The following FCRL6 variants were observed in gnomAD, a reference collection of about 807,000 sequenced individuals.
The protein encoded by FCRL6 is Fc receptor like 6.
Under a neutral mutation model 49.1 loss-of-function variants are expected in FCRL6, and 50 were observed. The observed-to-expected ratio is 1.02, with a 90% CI of 0.81 to 1.29. The LOEUF is 1.29. Ranked by LOEUF, FCRL6 falls within the 50% of genes most tolerant of loss-of-function variation. The pLI is 0.00. For synonymous variants in FCRL6, 213 were observed against 199.6 expected (o/e 1.07, Z -0.57); for missense variants, 571 against 518.5 (o/e 1.10, Z -0.98).
upstream of FCRL6, among the ~76,000 whole-genome samples, chr1:159,802,035 C>T (rs1662365733): frequency 6.6e-6 from 1 of 152,100 alleles, no homozygotes; most frequent in South Asian, 2.1e-4. Flanking sequence ...TGCGCTGTCT[C>T]CCAGGCTGAA....
Position 159,815,539 on chromosome 1 carries a change from A to G in FCRL6, c.1183A>G (p.Ser395Gly). Residue 395 changes from serine to glycine, a missense_variant, in exon 10 of 10, where the codon AGT (serine) becomes GGT (glycine). Transcript: ENST00000368106. Reference protein sequence around the residue: ...SAEFTVGRKDSSIICAEVRCL... With the variant: ...SAEFTVGRKDGSIICAEVRCL... Reference sequence around the variant, plus strand: ...TCCTGAGCCAACTCTTCCACAGGACAGTTCTATCATCTGTGCGGAGGTGAG... The same window carrying G: ...TCCTGAGCCAACTCTTCCACAGGACGGTTCTATCATCTGTGCGGAGGTGAG... 6.2e-7 allele frequency: 1 copy of G among 1,614,202 alleles called. No individual in the cohort carries two copies. The highest frequency in any genetic ancestry group is 8.5e-7 in the Non-Finnish European group (1 of 1,180,028).
At chr1:159,810,918 A>G (rs1227565298) in intron 6 of FCRL6, among the ~76,000 whole-genome samples, 2 of 152,158 alleles carry the variant, frequency 1.3e-5, no homozygotes, top group Non-Finnish European at 2.9e-5. Flanking sequence ...CATGTATTAG[A>G]CTGGCACATA....
chr1:159,809,105 C>T lies in FCRL6; in HGVS notation c.464C>T (p.Thr155Ile), dbSNP rs1397676337. 1.2e-6 allele frequency: 2 copies of T among 1,614,144 alleles called. No homozygotes were observed. The highest frequency in any genetic ancestry group is 1.7e-6 in the Non-Finnish European group (2 of 1,179,988). ...TTCTCCTTCCACAAGGACGGCCACA[C>T]CTTGCAGGACAGGGGCCCTCACCCA... is the stretch of plus-strand genomic sequence containing the variant. ...LLFSFHKDGH[T>I]LQDRGPHPEL... Residue 155 changes from threonine to isoleucine, a missense_variant, in exon 4 of 10, where the codon ACC (threonine) becomes ATC (isoleucine). Transcript: ENST00000368106.
rs138762761 is a variant in FCRL6, at chr1:159,802,439, G to A, written c.15G>A (p.Thr5=). 7.3e-4 allele frequency: 1,184 copies of A among 1,613,686 alleles called. 1 individual carries two copies. The highest frequency in any genetic ancestry group is 9.5e-4 in the Non-Finnish European group (1,124 of 1,179,858). MLLW[T]AVLLFVPCVG... is the part of the protein sequence containing the mutation. ...GAACAGGCCCCATGCTGCTCTGGAC[G>A]GCTGTGCTGCTCTTTGGTAAGTCAA... Residue 5 remains threonine, a synonymous_variant, in exon 1 of 10, where the codon ACG becomes ACA. Coordinates refer to ENST00000368106, the MANE Select transcript of FCRL6 (RefSeq NM_001004310.3).
chr1:159,809,104 A>G lies in FCRL6; in HGVS notation c.463A>G (p.Thr155Ala). 6.2e-7 allele frequency: 1 copy of G among 1,614,028 alleles called. No individual in the cohort carries two copies. Among genetic ancestry groups the G allele is most frequent in the Non-Finnish European group, 8.5e-7 (1 of 1,179,948 alleles). ...TTTCTCCTTCCACAAGGACGGCCAC[A>G]CCTTGCAGGACAGGGGCCCTCACCC... ...LLFSFHKDGHTLQDRGPHPEL... is the reference protein window; with the variant it reads ...LLFSFHKDGHALQDRGPHPEL... The change falls in exon 4 of 10, where the codon ACC becomes GCC. Residue 155 changes from threonine (T) to alanine (A), a missense_variant. Thr to Ala is a moderately conservative substitution (Grantham distance 58). Transcript: ENST00000368106.
intron 1 of FCRL6, among the ~76,000 whole-genome samples, chr1:159,803,972 C>G (rs1662506704): frequency 1.3e-5 from 2 of 152,090 alleles, no homozygotes; most frequent in Non-Finnish European, 2.9e-5. Context: ...TGTCAGGGCT[C>G]CGGGAGGAAA....
In FCRL6 at chr1:159,808,339, G is replaced by A. The variant is rs140964607; in HGVS notation, c.214G>A (p.Ala72Thr). ...SKENQTLSMG[A>T]ATVQSRGQYS... ...GGAAAACCAGACTCTGTCCATGGGA[G>A]CAGCAACAGTGCAGAGCCGTGGCCA... is the stretch of plus-strand genomic sequence containing the variant. The change falls in exon 3 of 10, where the codon GCA becomes ACA. Residue 72 changes from alanine to threonine, a missense_variant. Physicochemically the swap from Ala to Thr is moderately conservative, Grantham distance 58. Coordinates refer to ENST00000368106, the MANE Select transcript of FCRL6 (RefSeq NM_001004310.3). The A allele has an allele frequency of 2.0e-5, 32 of 1,614,230 alleles. No homozygotes were observed. The highest frequency in any genetic ancestry group is 1.6e-4 in the Middle Eastern group (1 of 6,062).
At chr1:159,804,597 C>T (rs373930448) in intron 1 of FCRL6, among the ~76,000 whole-genome samples, 44 of 152,360 alleles carry the variant, frequency 2.9e-4, no homozygotes, top group African/African-American at 1.0e-3. Flanking sequence ...GCAGGTGTCA[C>T]CCCCTGTGTA....
At chr1:159,801,878 A>T (rs745744837), upstream of FCRL6, among the ~76,000 whole-genome samples, 3 of 151,912 alleles carry the variant, frequency 2.0e-5, no homozygotes, top group Non-Finnish European at 2.9e-5. Context: ...TCCCTCCTGA[A>T]CTGAGGATCC....
At position 159,809,571 on chromosome 1, in the gene FCRL6, C is replaced by T. The variant is rs1158079782; in HGVS notation, c.774C>T (p.Thr258=). 1.2e-6 allele frequency: 2 copies of T among 1,614,180 alleles called. No individual in the cohort carries two copies. Among genetic ancestry groups the T allele is most frequent in the East Asian group, 2.2e-5 (1 of 44,872 alleles). The change falls in exon 5 of 10, where the codon ACC becomes ACT. Residue 258 remains threonine, a synonymous_variant. Coordinates refer to ENST00000368106, the MANE Select transcript of FCRL6 (RefSeq NM_001004310.3). ...ACCACTCAGCTCCCTGTGGTGGAAC[C>T]ACCTCCCTCCTCTTCCCAGTGAAGT... is the stretch of plus-strand genomic sequence containing the variant. ...VGNHSAPCGG[T]TSLLFPVKSE... is the part of the protein sequence containing the mutation.
intron 6 of FCRL6, among the ~76,000 whole-genome samples, chr1:159,810,861 G>C (rs1663050814): frequency 6.6e-6 from 1 of 152,150 alleles, no homozygotes; most frequent in Admixed American, 6.5e-5. Flanking sequence ...CCTTTCCAGG[G>C]ATGCTGTAAG....
intron 7 of FCRL6, 75 bp from the exon 8 acceptor site, chr1:159,814,146 C>A: frequency 7.2e-7 from 1 of 1,387,610 alleles, no homozygotes; most frequent in Non-Finnish European, 1.0e-6. Context: ...GGCTTCTCTC[C>A]ATGTCTTCAG....
In FCRL6 at chr1:159,809,392, T is replaced by C; in HGVS notation, c.605-10T>C. ...GTCAGGCTGAGCCTCCCACCCCATG[T>C]GTGTCCCAGCTCCTGTATCCCGTCC... On this transcript the variant is annotated splice_polypyrimidine_tract_variant and intron_variant, in intron 4 of 9. Transcript: ENST00000368106. 1 of 1,580,798 alleles carries C rather than the reference T, an allele frequency of 6.3e-7. No individual in the cohort carries two copies. Among genetic ancestry groups the C allele is most frequent in the Non-Finnish European group, 8.6e-7 (1 of 1,161,204 alleles).
chr1:159,810,194 T>G lies in FCRL6; in HGVS notation c.987T>G (p.Tyr329Ter), dbSNP rs148078638. 1.8e-5 allele frequency: 29 copies of G among 1,613,154 alleles called. No individual in the cohort carries two copies. The highest frequency in any genetic ancestry group is 1.7e-6 in the Non-Finnish European group (2 of 1,179,632). Reference sequence around the variant, plus strand: ...TTATTGCTGCTGCACTTCTGGTTTATGTGAGATCCTGGAGAAAAGCTGGTC... The same window carrying G: ...TTATTGCTGCTGCACTTCTGGTTTAGGTGAGATCCTGGAGAAAAGCTGGTC... Reference protein sequence around the residue: ...LMVIAAALLVYVRSWRKAGPL... With the variant: ...LMVIAAALLV The change falls in exon 6 of 10, where the codon TAT (tyrosine) becomes TAG (stop). Residue 329 changes from tyrosine (Y) to a stop codon, truncating the protein, a stop_gained. Transcript: ENST00000368106. LOFTEE classifies it high-confidence loss of function.
At chr1:159,806,488 G>C (rs1361590349) in intron 1 of FCRL6, 108 bp from the exon 2 acceptor site, 1 of 949,150 alleles carries the variant, frequency 1.1e-6, no homozygotes, top group East Asian at 2.4e-5. Context: ...TTGGTGGCCG[G>C]GTGGTTGGTT....
rs1293779586 is a variant in FCRL6, at chr1:159,806,605, T to C, written c.41T>C (p.Val14Ala). The C allele has an allele frequency of 6.2e-7, 1 of 1,613,886 alleles. No homozygotes were observed. Among genetic ancestry groups the C allele is most frequent in the African/African-American group, 1.3e-5 (1 of 75,062 alleles). ...WTAVLLFVPC[V>A]GKTVWLYLQA... ...CTTTGTTCTCTTGCAGTTCCCTGTG[T>C]TGGGAAAACTGGTAAGTTGTGTCCA... Residue 14 changes from valine (V) to alanine (A), a missense_variant, in exon 2 of 10, where the codon GTT (valine) becomes GCT (alanine). Physicochemically the swap from Val to Ala is moderately conservative, Grantham distance 64. Coordinates refer to ENST00000368106, the MANE Select transcript of FCRL6 (RefSeq NM_001004310.3).
chr1:159,810,435 T>C (rs1315126921), intron 6 of FCRL6, among the ~76,000 whole-genome samples: 1 of 152,186 alleles, frequency 6.6e-6, no homozygotes, highest in Non-Finnish European at 1.5e-5. Context: ...ATGCTCACAG[T>C]CATCCAGAGA....
intron 1 of FCRL6, 81 bp downstream of exon 1, chr1:159,802,536 A>G (rs1571083536): frequency 1.6e-6 from 2 of 1,290,146 alleles, no homozygotes; most frequent in African/African-American, 2.9e-5. Flanking sequence ...TCCTCATCTT[A>G]CCTTTCCCAA....
intron 5 of FCRL6, 82 bp downstream of exon 5, chr1:159,809,765 C>T (rs1445314782): frequency 6.6e-5 from 83 of 1,255,278 alleles, no homozygotes; most frequent in Middle Eastern, 1.9e-4. Context: ...CCTCCCATCA[C>T]GACTGGCACA....
Sources: gnomAD v4.1 joint callset for allele counts (sites outside exome capture counted in the v4.1 genomes callset) on GRCh38, gnomAD v4.1.1 for gene constraint, MANE v1.5 for transcripts, NCBI Gene and HGNC (gene_info 2026-07-23, HGNC 2026-07-21) for gene names.